IGFBP7: variants seen among roughly 807,000 people sequenced by gnomAD.
IGFBP7 encodes insulin like growth factor binding protein 7, also known as insulin-like growth factor-binding protein 7.
In IGFBP7, 31 loss-of-function variants were observed where a neutral mutation model predicts 29.4. The observed-to-expected ratio is 1.05, with a 90% CI of 0.79 to 1.42. The LOEUF is 1.42. IGFBP7 is among the 40% of genes most tolerant of loss of function. IGFBP7 has a pLI of 0.00. For synonymous variants in IGFBP7, 172 were observed against 174.9 expected (o/e 0.98, Z 0.13); for missense variants, 393 against 395.5 (o/e 0.99, Z 0.05).
At chr4:57,064,255 A>G (rs542767610) in intron 1 of IGFBP7, among the ~76,000 whole-genome samples, 1 of 152,332 alleles carries the variant, frequency 6.6e-6, no homozygotes, top group East Asian at 1.9e-4. Flanking sequence ...TTGGGAGGCT[A>G]AGGTGGTTGG....
intron 1 of IGFBP7, among the ~76,000 whole-genome samples, chr4:57,060,862 T>C (rs985243600): frequency 6.6e-6 from 1 of 152,006 alleles, no homozygotes; most frequent in African/African-American, 2.4e-5. Context: ...AAGGCTACAG[T>C]GAGCTATGAT....
At chr4:57,094,866 A>G (rs1297733349) in intron 1 of IGFBP7, among the ~76,000 whole-genome samples, 5 of 152,230 alleles carry the variant, frequency 3.3e-5, no homozygotes, top group African/African-American at 1.2e-4. Flanking sequence ...CCCCCAAATC[A>G]AATCATTTGC....
chr4:57,100,724 C>CTTTTG (rs1252084400), intron 1 of IGFBP7, among the ~76,000 whole-genome samples: 1 of 152,208 alleles, frequency 6.6e-6, no homozygotes, highest in Non-Finnish European at 1.5e-5. Flanking sequence ...TTCTGAATCT[C>CTTTTG]TTTTGTTAGA....
chr4:57,106,652 C>T (rs1367803452), intron 1 of IGFBP7, among the ~76,000 whole-genome samples: 3 of 152,048 alleles, frequency 2.0e-5, no homozygotes, highest in Non-Finnish European at 4.4e-5. Flanking sequence ...ATTCTGATTC[C>T]AGAAGTGAAA....
chr4:57,108,420 T>G (rs901200610), intron 1 of IGFBP7, among the ~76,000 whole-genome samples: 1 of 152,250 alleles, frequency 6.6e-6, no homozygotes, highest in African/African-American at 2.4e-5. Flanking sequence ...CTGCCAACAT[T>G]GAATGTCTGA....
At chr4:57,065,990 G>A (rs1212563399) in intron 1 of IGFBP7, among the ~76,000 whole-genome samples, 1 of 152,138 alleles carries the variant, frequency 6.6e-6, no homozygotes, top group Non-Finnish European at 1.5e-5. Flanking sequence ...CCATAGCTGT[G>A]AGTTTGTGCT....
At chr4:57,093,225 G>T (rs1451611535) in intron 1 of IGFBP7, among the ~76,000 whole-genome samples, 1 of 152,254 alleles carries the variant, frequency 6.6e-6, no homozygotes, top group Non-Finnish European at 1.5e-5. Flanking sequence ...TCCAGGCTGG[G>T]CGCAGTGGCT....
intron 1 of IGFBP7, among the ~76,000 whole-genome samples, chr4:57,053,147 G>A (rs1724553616): frequency 6.6e-6 from 1 of 151,888 alleles, no homozygotes; most frequent in South Asian, 2.1e-4. Flanking sequence ...CTCCAGAGTA[G>A]CTGATACTAC....
intron 1 of IGFBP7, among the ~76,000 whole-genome samples, chr4:57,059,535 A>G (rs1340340695): frequency 6.6e-6 from 1 of 152,100 alleles, no homozygotes; most frequent in African/African-American, 2.4e-5. Context: ...TACAAGCGGG[A>G]ACTAAATGAT....
At chr4:57,088,569 T>A (rs182040415) in intron 1 of IGFBP7, among the ~76,000 whole-genome samples, 3 of 152,270 alleles carry the variant, frequency 2.0e-5, no homozygotes, top group African/African-American at 7.2e-5. Flanking sequence ...GGGCTGTTTC[T>A]GAAGCATTAG....
At chr4:57,034,236 A>G (rs1167259845) in intron 2 of IGFBP7, among the ~76,000 whole-genome samples, 1 of 152,128 alleles carries the variant, frequency 6.6e-6, no homozygotes, top group Non-Finnish European at 1.5e-5. Context: ...GTTTTATTAT[A>G]TAAACTCTGG....
rs1723992201 is a variant in IGFBP7, at chr4:57,033,249, C to T, written c.648G>A (p.Leu216=). 7.4e-6 allele frequency: 12 copies of T among 1,614,044 alleles called. No individual in the cohort carries two copies. Among genetic ancestry groups the T allele is most frequent in the Admixed American group, 1.7e-5 (1 of 60,006 alleles). The change falls in exon 3 of 5, where the codon CTG becomes CTA. Residue 216 remains leucine, a synonymous_variant. Transcript: ENST00000295666. ...CTGGGCCACCCCGGGTCTGAATGGC[C>T]AGGTTGTCCCGGTCACCAGGCAGGA... The part of the protein sequence containing the change: ...TELLPGDRDN[L]AIQTRGGPEK...
chr4:57,101,563 T>A (rs1172030515), intron 1 of IGFBP7, among the ~76,000 whole-genome samples: 1 of 152,178 alleles, frequency 6.6e-6, no homozygotes, highest in Non-Finnish European at 1.5e-5. Flanking sequence ...GTAAAGGCAA[T>A]TCAACACATT....
At chr4:57,056,311 C>T (rs1389016330) in intron 1 of IGFBP7, among the ~76,000 whole-genome samples, 4 of 152,130 alleles carry the variant, frequency 2.6e-5, no homozygotes, top group Admixed American at 2.0e-4. Flanking sequence ...TCTCTAGTGT[C>T]GTCCCTAAGG....
intron 1 of IGFBP7, among the ~76,000 whole-genome samples, chr4:57,052,581 C>T (rs866533434): frequency 6.6e-6 from 1 of 152,312 alleles, no homozygotes; most frequent in Middle Eastern, 3.4e-3. Flanking sequence ...TCACTGCTGA[C>T]CACCTGGCCC....
At chr4:57,080,463 T>C (rs959617519) in intron 1 of IGFBP7, among the ~76,000 whole-genome samples, 1 of 152,194 alleles carries the variant, frequency 6.6e-6, no homozygotes, top group Non-Finnish European at 1.5e-5. Context: ...TTTCCTAAAG[T>C]TGGTATCAGA....
chr4:57,037,100 T>C (rs952536826), intron 2 of IGFBP7, among the ~76,000 whole-genome samples: 5 of 152,172 alleles, frequency 3.3e-5, no homozygotes, highest in African/African-American at 1.2e-4. Context: ...TGCCTTAACA[T>C]AGGTTCTGTT....
chr4:57,073,148 C>T, intron 1 of IGFBP7: 2 of 1,591,016 alleles, frequency 1.3e-6, no homozygotes, highest in Non-Finnish European at 1.7e-6. Flanking sequence ...GCTGCCCAGC[C>T]TGTCCTTGTG....
chr4:57,104,375 C>T (rs1170797787), intron 1 of IGFBP7, among the ~76,000 whole-genome samples: 2 of 152,116 alleles, frequency 1.3e-5, no homozygotes, highest in African/African-American at 2.4e-5. Context: ...TGGGTCCCCT[C>T]CTCTGGCTCT....
Sources: allele counts gnomAD v4.1 joint callset (sites outside exome capture counted in the v4.1 genomes callset), GRCh38; gene constraint gnomAD v4.1.1; transcripts MANE v1.5; gene names NCBI Gene and HGNC (gene_info 2026-07-23, HGNC 2026-07-21).